ANTXR2: variants seen among roughly 807,000 people sequenced by gnomAD.
The protein encoded by ANTXR2 is ANTXR cell adhesion molecule 2.
A neutral mutation model predicts 73.7 loss-of-function variants in ANTXR2; 44 were observed. That is an observed-to-expected ratio of 0.60 (90% CI 0.47 to 0.77). The LOEUF (loss-of-function observed/expected upper bound fraction) is 0.77, where lower values mean the gene tolerates loss of function less well. Ranked by LOEUF, ANTXR2 falls within the 30% of genes least tolerant of loss-of-function variation. The pLI is 0.00. For missense variants in ANTXR2, 604 were observed against 592.5 expected (o/e 1.02, Z -0.20); for synonymous variants, 217 against 205.9 (o/e 1.05, Z -0.46).
intron 10 of ANTXR2, among the ~76,000 whole-genome samples, chr4:80,020,923 T>G (rs1732127582): frequency 6.6e-6 from 1 of 151,958 alleles, no homozygotes; most frequent in African/African-American, 2.4e-5. Context: ...GCACTTTGGG[T>G]AGATCACGAG....
At chr4:80,068,819 T>A (rs1284421996) in intron 3 of ANTXR2, among the ~76,000 whole-genome samples, 1 of 152,182 alleles carries the variant, frequency 6.6e-6, no homozygotes, top group Non-Finnish European at 1.5e-5. Flanking sequence ...TTCTAACTTG[T>A]CATTGACACT....
rs899793541 is a variant in ANTXR2, at chr4:79,904,431, G to A, written c.*2998C>T. 4 of 151,982 alleles carry A rather than the reference G, an allele frequency of 2.6e-5. No homozygotes were observed. The highest frequency in any genetic ancestry group is 9.7e-5 in the African/African-American group (4 of 41,376). 9.4% of individuals were successfully genotyped at this position (151,982 alleles called of 1,614,324 possible). A position where few individuals can be genotyped will look rare whatever the true frequency, so the allele number is the denominator to read the frequency against. ...CTCAAATTTTACTCTGCATCTCATT[G>A]GGAAGGAAATATAAATTTTTAAAAT... On this transcript the variant is annotated 3_prime_UTR_variant, in exon 17 of 17. Coordinates refer to ENST00000403729, the MANE Select transcript of ANTXR2 (RefSeq NM_058172.6).
chr4:80,007,637 C>A (rs1731370684), intron 12 of ANTXR2, among the ~76,000 whole-genome samples: 1 of 152,088 alleles, frequency 6.6e-6, no homozygotes, highest in African/African-American at 2.4e-5. Flanking sequence ...CCTTTCCCAG[C>A]TGGGTTCAGA....
intron 10 of ANTXR2, among the ~76,000 whole-genome samples, chr4:80,024,238 C>G (rs1201737934): frequency 1.3e-5 from 2 of 152,146 alleles, no homozygotes; most frequent in African/African-American, 4.8e-5. Context: ...ATAGGGAACA[C>G]AGAAGGAGCA....
At chr4:79,992,128 A>T (rs567794398) in intron 12 of ANTXR2, among the ~76,000 whole-genome samples, 1 of 152,172 alleles carries the variant, frequency 6.6e-6, no homozygotes, top group East Asian at 1.9e-4. Flanking sequence ...GAAAGAAAAA[A>T]ATTGACAATA....
At chr4:79,947,779 C>G (rs1348009125) in intron 16 of ANTXR2, among the ~76,000 whole-genome samples, 1 of 152,124 alleles carries the variant, frequency 6.6e-6, no homozygotes, top group East Asian at 1.9e-4. Flanking sequence ...TATTATAAAA[C>G]TCTGGAAAAG....
At chr4:79,983,685 A>T (rs915110082) in intron 14 of ANTXR2, among the ~76,000 whole-genome samples, 193 bp downstream of exon 14, 9 of 152,146 alleles carry the variant, frequency 5.9e-5, no homozygotes, top group Middle Eastern at 3.2e-3. Context: ...TAATGAAACC[A>T]GTTCTTCTAG....
intron 16 of ANTXR2, among the ~76,000 whole-genome samples, chr4:79,930,736 T>C (rs1728024784): frequency 6.6e-6 from 1 of 152,232 alleles, no homozygotes; most frequent in Admixed American, 6.5e-5. Context: ...CAATTCTATT[T>C]CACTGTTTCT....
chr4:79,913,660 T>TATC (rs1330724264), intron 16 of ANTXR2, among the ~76,000 whole-genome samples: 1 of 152,188 alleles, frequency 6.6e-6, no homozygotes, highest in Non-Finnish European at 1.5e-5. Context: ...TTTCTCTCCC[T>TATC]ATCAGTTTGC....
intron 16 of ANTXR2, among the ~76,000 whole-genome samples, chr4:79,976,962 A>G (rs1578123860): frequency 1.3e-5 from 2 of 152,226 alleles, no homozygotes; most frequent in South Asian, 2.1e-4. Context: ...TCTTACATCA[A>G]TACAATGGGA....
At chr4:80,009,034 T>A (rs562804459) in intron 11 of ANTXR2, among the ~76,000 whole-genome samples, 1 of 152,236 alleles carries the variant, frequency 6.6e-6, no homozygotes, top group East Asian at 1.9e-4. Context: ...TTGCATGTAG[T>A]TAAATAATAA....
At chr4:79,922,608 TA>T (rs1248009406) in intron 16 of ANTXR2, among the ~76,000 whole-genome samples, 1 of 152,060 alleles carries the variant, frequency 6.6e-6, no homozygotes, top group African/African-American at 2.4e-5. Context: ...GACTAAAAAC[TA>T]ATATGTATTA....
At chr4:79,997,831 G>A (rs1046703557) in intron 12 of ANTXR2, among the ~76,000 whole-genome samples, 4 of 151,970 alleles carry the variant, frequency 2.6e-5, no homozygotes, top group African/African-American at 9.7e-5. Context: ...CTGAGACCAG[G>A]ATGAGTTTGA....
At chr4:80,033,769 C>T (rs557551080) in intron 8 of ANTXR2, among the ~76,000 whole-genome samples, 199 bp from the exon 9 acceptor site, 4 of 151,940 alleles carry the variant, frequency 2.6e-5, no homozygotes, top group Non-Finnish European at 4.4e-5. Flanking sequence ...AGTGAAGATA[C>T]CATTCACTGC....
intron 10 of ANTXR2, among the ~76,000 whole-genome samples, chr4:80,023,197 A>G (rs540499688): frequency 6.6e-5 from 10 of 152,318 alleles, no homozygotes; most frequent in African/African-American, 2.4e-4. Flanking sequence ...TGTTCAAAAA[A>G]TGCCTACTAT....
chr4:79,964,218 G>A (rs1729259474), intron 16 of ANTXR2, among the ~76,000 whole-genome samples: 1 of 152,176 alleles, frequency 6.6e-6, no homozygotes, highest in Admixed American at 6.5e-5. Context: ...AAGCTCCTTG[G>A]AGATTTAATT....
rs1553925982 is a variant in ANTXR2, at chr4:79,926,976, T to TACACGTGTGCATATATGTGTATATATAC, written c.1429-19510_1429-19509insGTATATATACACATATATGCACACGTGT. ...ATACGTGTGCATATATGTGTATATA[T>TACACGTGTGCATATATGTGTATATATAC]ACGTGTGCATATATGTGTATATATA... On this transcript the variant is annotated intron_variant, in intron 16 of 16. Transcript: ENST00000403729. 6.3e-4 allele frequency among the ~76,000 whole-genome samples: 57 copies of TACACGTGTGCATATATGTGTATATATAC among 90,622 alleles called. 2 individuals are homozygous for TACACGTGTGCATATATGTGTATATATAC. Among genetic ancestry groups the TACACGTGTGCATATATGTGTATATATAC allele is most frequent in the African/African-American group, 1.8e-3 (30 of 16,614 alleles). 59.5% of individuals were successfully genotyped at this position (90,622 alleles called of 152,430 possible). A position where few individuals can be genotyped will look rare whatever the true frequency, so the allele number is the denominator to read the frequency against.
intron 16 of ANTXR2, among the ~76,000 whole-genome samples, chr4:79,916,551 A>T (rs1444940470): frequency 3.3e-5 from 5 of 152,164 alleles, no homozygotes; most frequent in Non-Finnish European, 7.4e-5. Context: ...TAGTAAAAAA[A>T]TTTCTCATAA....
intron 7 of ANTXR2, among the ~76,000 whole-genome samples, chr4:80,052,450 G>A (rs554770201): frequency 7.9e-4 from 120 of 151,640 alleles, no homozygotes; most frequent in African/African-American, 2.7e-3. Context: ...TATCAATCAC[G>A]TTGATAAAAA....
Sources: gnomAD v4.1 joint callset for allele counts (sites outside exome capture counted in the v4.1 genomes callset) on GRCh38, gnomAD v4.1.1 for gene constraint, MANE v1.5 for transcripts, NCBI Gene and HGNC (gene_info 2026-07-23, HGNC 2026-07-21) for gene names.